The following RNF180 variants were observed in gnomAD, a reference collection of about 807,000 sequenced individuals.
RNF180 encodes ring finger protein 180.
In RNF180, 38 loss-of-function variants were observed where a neutral mutation model predicts 59.2. That is an observed-to-expected ratio of 0.64 (90% CI 0.50 to 0.84). The LOEUF (loss-of-function observed/expected upper bound fraction) is 0.84, where lower values mean the gene tolerates loss of function less well. Among genes scored for constraint, RNF180 ranks in the 40% least tolerant of loss-of-function variants. The probability of loss-of-function intolerance (pLI) is 0.00; values close to 1 mark genes in which losing one functional copy is unlikely to be tolerated. For synonymous variants in RNF180, 262 were observed against 240.3 expected, an observed-to-expected ratio of 1.09 and a Z score of -0.84; for missense variants, 705 against 700.9, an observed-to-expected ratio of 1.01 and a Z score of -0.07.
chr5:64,353,519 AAAT>A (rs1745897781), intron 7 of RNF180, among the ~76,000 whole-genome samples: 1 of 151,756 alleles, frequency 6.6e-6, no homozygotes, highest in Non-Finnish European at 1.5e-5. Context: ...ACAAAATAAG[AAAT>A]AAGTCGTATT....
chr5:64,234,287 A>G (rs1469128208), intron 5 of RNF180, among the ~76,000 whole-genome samples: 1 of 152,080 alleles, frequency 6.6e-6, no homozygotes, highest in Non-Finnish European at 1.5e-5. Context: ...CAACATGGCG[A>G]AACCCCGTCT....
At chr5:64,190,612 A>G (rs1184903948) in intron 1 of RNF180, among the ~76,000 whole-genome samples, 1 of 152,142 alleles carries the variant, frequency 6.6e-6, no homozygotes, top group Non-Finnish European at 1.5e-5. Context: ...CTAAATCCAT[A>G]TGTTGAAGTT....
intron 5 of RNF180, among the ~76,000 whole-genome samples, chr5:64,239,814 C>T (rs1400033191): frequency 6.6e-6 from 1 of 152,124 alleles, no homozygotes; most frequent in Non-Finnish European, 1.5e-5. Flanking sequence ...TTCATTGTTT[C>T]AGGGGAACAG....
intron 7 of RNF180, among the ~76,000 whole-genome samples, chr5:64,335,702 C>A (rs1217792260): frequency 6.6e-6 from 1 of 152,034 alleles, no homozygotes; most frequent in African/African-American, 2.4e-5. Flanking sequence ...TTTGATATCC[C>A]CCCTTCCAAT....
chr5:64,165,626 TC>T (rs1482956461), upstream of RNF180, among the ~76,000 whole-genome samples: 1 of 152,172 alleles, frequency 6.6e-6, no homozygotes, highest in Non-Finnish European at 1.5e-5. Context: ...TTCCCACGGT[TC>T]CGTCTGGCCC....
chr5:64,190,296 T>C (rs1412898774), intron 1 of RNF180, among the ~76,000 whole-genome samples: 2 of 152,212 alleles, frequency 1.3e-5, no homozygotes, highest in African/African-American at 2.4e-5. Context: ...GATTTCTCCC[T>C]TTTAGAATGG....
At chr5:64,205,639 A>G (rs757395565) in intron 2 of RNF180, among the ~76,000 whole-genome samples, 4 of 152,160 alleles carry the variant, frequency 2.6e-5, no homozygotes, top group Non-Finnish European at 4.4e-5. Context: ...GATCTGAACT[A>G]AAACTGTGGA....
At chr5:64,315,015 T>G (rs2112491105) in intron 5 of RNF180, among the ~76,000 whole-genome samples, 1 of 152,342 alleles carries the variant, frequency 6.6e-6, no homozygotes, top group East Asian at 1.9e-4. Context: ...TCCGTGGGTC[T>G]GTCTTTGCAC....
chr5:64,238,871 C>A (rs1403573411), intron 5 of RNF180, among the ~76,000 whole-genome samples: 1 of 152,042 alleles, frequency 6.6e-6, no homozygotes, highest in Non-Finnish European at 1.5e-5. Flanking sequence ...GTTTCTGTTG[C>A]CCATGCTTTT....
intron 1 of RNF180, among the ~76,000 whole-genome samples, chr5:64,187,374 TAAGG>T (rs1426863640): frequency 3.3e-5 from 5 of 152,088 alleles, no homozygotes; most frequent in African/African-American, 1.2e-4. Flanking sequence ...AAAGTAGAAA[TAAGG>T]AAGGTGAGAG....
intron 5 of RNF180, among the ~76,000 whole-genome samples, chr5:64,266,629 A>C (rs900834264): frequency 6.6e-6 from 1 of 152,168 alleles, no homozygotes; most frequent in Non-Finnish European, 1.5e-5. Flanking sequence ...GAAAAGACAT[A>C]AGGTGGCTTT....
intron 5 of RNF180, among the ~76,000 whole-genome samples, chr5:64,317,597 T>TATGC (rs943486143): frequency 2.4e-5 from 3 of 123,868 alleles, no homozygotes; most frequent in Non-Finnish European, 4.8e-5. Flanking sequence ...TACATATTTA[T>TATGC]ACACACACAC....
At chr5:64,177,563 A>ATATATATG (rs1561167666) in intron 1 of RNF180, among the ~76,000 whole-genome samples, 9 of 135,430 alleles carry the variant, frequency 6.6e-5, no homozygotes, top group Admixed American at 1.5e-4. Flanking sequence ...ATATATATAT[A>ATATATATG]TATGTATTTA....
chr5:64,192,128 A>C (rs1751193033), intron 1 of RNF180, among the ~76,000 whole-genome samples: 1 of 151,924 alleles, frequency 6.6e-6, no homozygotes, highest in Non-Finnish European at 1.5e-5. Context: ...GATAGCAAAC[A>C]AACAAAACAA....
At chr5:64,171,222 C>T (rs1749916457) in intron 1 of RNF180, among the ~76,000 whole-genome samples, 1 of 152,108 alleles carries the variant, frequency 6.6e-6, no homozygotes, top group Non-Finnish European at 1.5e-5. Context: ...TCGACCTTAC[C>T]AGAGGACTGA....
At chr5:64,368,431 G>C (rs1746531080) in intron 7 of RNF180, among the ~76,000 whole-genome samples, 1 of 151,726 alleles carries the variant, frequency 6.6e-6, no homozygotes, top group Non-Finnish European at 1.5e-5. Context: ...GTATAGATGA[G>C]AAATTCATGA....
intron 1 of RNF180, among the ~76,000 whole-genome samples, chr5:64,173,071 T>C (rs952815543): frequency 6.6e-6 from 1 of 152,216 alleles, no homozygotes; most frequent in Admixed American, 6.5e-5. Context: ...TTTTTGTCCC[T>C]AGTATACAGC....
intron 6 of RNF180, among the ~76,000 whole-genome samples, chr5:64,328,852 T>C (rs1744767851): frequency 6.6e-6 from 1 of 152,170 alleles, no homozygotes; most frequent in African/African-American, 2.4e-5. Context: ...ATGCTACAGG[T>C]GATCATTGCG....
In RNF180 at chr5:64,369,977, A is replaced by G. The variant is rs1218401187; in HGVS notation, c.*163A>G. 3 of 487,874 alleles carry G rather than the reference A, an allele frequency of 6.1e-6. No homozygotes were observed. Among genetic ancestry groups the G allele is most frequent in the Non-Finnish European group, 1.1e-5 (3 of 281,796 alleles). 30.2% of individuals were successfully genotyped at this position (487,874 alleles called of 1,614,324 possible). A position where few individuals can be genotyped will look rare whatever the true frequency, so the allele number is the denominator to read the frequency against. On this transcript the variant is annotated 3_prime_UTR_variant, in exon 8 of 8. Coordinates refer to ENST00000389100, the MANE Select transcript of RNF180 (RefSeq NM_001113561.2). ...ATGAATTTATTTATTAATGTTTTTC[A>G]TGTAACAAACTAAACTTTATTCAAG...
Sources: gnomAD v4.1 joint callset for allele counts (sites outside exome capture counted in the v4.1 genomes callset) on GRCh38, gnomAD v4.1.1 for gene constraint, MANE v1.5 for transcripts, NCBI Gene and HGNC (gene_info 2026-07-23, HGNC 2026-07-21) for gene names.